DNAH5: variants seen among roughly 807,000 people sequenced by gnomAD.
DNAH5 encodes axonemal beta dynein heavy chain 5.
Under a neutral mutation model 518.2 loss-of-function variants are expected in DNAH5, and 372 were observed. That is an observed-to-expected ratio of 0.72 (90% confidence interval 0.66 to 0.78). The LOEUF (loss-of-function observed/expected upper bound fraction) is 0.78, where lower values mean the gene tolerates loss of function less well. Among genes scored for constraint, DNAH5 ranks in the 30% least tolerant of loss-of-function variants. The pLI, the probability that DNAH5 is intolerant of heterozygous loss-of-function variation, is 0.00. For missense variants in DNAH5, 5,523 were observed against 5,687.0 expected (o/e 0.97, Z 0.93); for synonymous variants, 2,039 against 2,025.9 (o/e 1.01, Z -0.17).
intron 53 of DNAH5, among the ~76,000 whole-genome samples, chr5:13,778,496 AAGGGAGGG>A (rs1199880080): frequency 2.4e-5 from 2 of 84,770 alleles, no homozygotes; most frequent in African/African-American, 1.0e-4. Context: ...GGAAGGAAGG[AAGGGAGGG>A]AGGGAGGGAG....
intron 57 of DNAH5, 148 bp downstream of exon 57, chr5:13,769,353 T>C: frequency 1.1e-6 from 1 of 908,018 alleles, no homozygotes; most frequent in Non-Finnish European, 1.8e-6. Flanking sequence ...ACTTACCCAG[T>C]TTTTTATACA....
chr5:13,799,676 A>G (rs558010082), intron 47 of DNAH5, among the ~76,000 whole-genome samples: 3 of 152,184 alleles, frequency 2.0e-5, no homozygotes, highest in Non-Finnish European at 4.4e-5. Flanking sequence ...GGCCTGAAAC[A>G]CAACACAGGT....
intron 65 of DNAH5, among the ~76,000 whole-genome samples, chr5:13,738,987 G>C (rs369126180): frequency 6.6e-6 from 1 of 152,002 alleles, no homozygotes; most frequent in African/African-American, 2.4e-5. Context: ...AGTAAAATAC[G>C]GGGAAACCAG....
chr5:13,923,465 T>G (rs1777521892), intron 3 of DNAH5, 25 bp from the exon 4 acceptor site: 2 of 1,613,698 alleles, frequency 1.2e-6, no homozygotes, highest in Non-Finnish European at 1.7e-6. Context: ...TAATTTTAGT[T>G]TCACAAATGC....
At chr5:13,704,646 T>G (rs1291604756) in intron 76 of DNAH5, among the ~76,000 whole-genome samples, 1 of 152,232 alleles carries the variant, frequency 6.6e-6, no homozygotes, top group Non-Finnish European at 1.5e-5. Flanking sequence ...CCACTTCTAG[T>G]TCACTTGTTC....
chr5:13,718,147 G>A (rs1579891052), intron 72 of DNAH5, among the ~76,000 whole-genome samples: 1 of 152,166 alleles, frequency 6.6e-6, no homozygotes, highest in East Asian at 1.9e-4. Flanking sequence ...TTTCCAGATT[G>A]AAATACAATA....
At chr5:13,713,452 TATATATATATATATAC>T (rs1227724223) in intron 75 of DNAH5, among the ~76,000 whole-genome samples, 10 of 130,748 alleles carry the variant, frequency 7.6e-5, no homozygotes, top group Non-Finnish European at 1.1e-4. Context: ...TATATATATA[TATATATATATATATAC>T]ACACACCGAT....
In DNAH5 at chr5:13,956,285, A is replaced by C. The variant is rs2152041257; in HGVS notation, c.13-25041T>G. Reference sequence around the variant, plus strand: ...AAACTTTATGCTGGGATATTTTTTAAAATAAAGACTATGAATACTGTGACT... The same window carrying C: ...AAACTTTATGCTGGGATATTTTTTACAATAAAGACTATGAATACTGTGACT... On this transcript the variant is annotated intron_variant, in intron 1 of 78. Transcript: ENST00000681290. 2.0e-5 allele frequency among the ~76,000 whole-genome samples: 3 copies of C among 152,348 alleles called. No homozygotes were observed. In the South Asian group the frequency reaches 6.2e-4, roughly 32 times the overall value.
chr5:13,859,857 C>T (rs1338327367), intron 29 of DNAH5, among the ~76,000 whole-genome samples: 2 of 152,064 alleles, frequency 1.3e-5, no homozygotes, highest in Non-Finnish European at 2.9e-5. Context: ...GTAGATCAGG[C>T]ATTAGACTTG....
At chr5:13,727,450 A>C in intron 70 of DNAH5, 57 bp downstream of exon 70, 3 of 1,485,334 alleles carry the variant, frequency 2.0e-6, no homozygotes, top group Non-Finnish European at 2.7e-6. Context: ...TTTAATTTAA[A>C]AGAAAATTCT....
At chr5:13,820,584 G>T in intron 40 of DNAH5, 85 bp from the exon 41 acceptor site, 1 of 1,516,732 alleles carries the variant, frequency 6.6e-7, no homozygotes, top group South Asian at 1.1e-5. Context: ...CAACAATTTG[G>T]GAGGCCGAGG....
At chr5:13,767,186 G>A (rs914413702) in intron 58 of DNAH5, among the ~76,000 whole-genome samples, 14 of 152,228 alleles carry the variant, frequency 9.2e-5, no homozygotes, top group African/African-American at 2.6e-4. Flanking sequence ...GTGCACTGGC[G>A]TAATCTCAGC....
chr5:13,818,243 T>C (rs1761716848), intron 41 of DNAH5, among the ~76,000 whole-genome samples: 2 of 152,236 alleles, frequency 1.3e-5, no homozygotes, highest in Admixed American at 6.5e-5. Flanking sequence ...GGGCTGGGAT[T>C]CTGTGCATAA....
intron 1 of DNAH5, among the ~76,000 whole-genome samples, chr5:13,976,724 T>TATAC (rs1782281774): frequency 9.1e-6 from 1 of 109,784 alleles, no homozygotes. Flanking sequence ...CACACACACA[T>TATAC]ACACACACAC....
chr5:13,983,707 T>C (rs1453711893), intron 1 of DNAH5, among the ~76,000 whole-genome samples: 1 of 152,166 alleles, frequency 6.6e-6, no homozygotes, highest in Non-Finnish European at 1.5e-5. Context: ...GATGGAGGCA[T>C]GACCAAATTC....
At chr5:13,906,413 CAA>C (rs1775303627) in intron 12 of DNAH5, among the ~76,000 whole-genome samples, 1 of 152,116 alleles carries the variant, frequency 6.6e-6, no homozygotes, top group African/African-American at 2.4e-5. Context: ...TGTGAATCTA[CAA>C]CTTCTCTTTA....
At chr5:13,931,440 A>G (rs553820223) in intron 1 of DNAH5, among the ~76,000 whole-genome samples, 196 bp from the exon 2 acceptor site, 6 of 152,270 alleles carry the variant, frequency 3.9e-5, no homozygotes, top group Admixed American at 3.9e-4. Flanking sequence ...AAGCATGCTC[A>G]TTGTTGTGAA....
chr5:13,880,566 G>C (rs184148071), intron 21 of DNAH5, among the ~76,000 whole-genome samples: 7 of 151,942 alleles, frequency 4.6e-5, no homozygotes, highest in African/African-American at 1.7e-4. Context: ...ATGAGGTGGG[G>C]AGTAAAAGTA....
chr5:13,958,904 A>G (rs1457326655), intron 1 of DNAH5, among the ~76,000 whole-genome samples: 1 of 152,176 alleles, frequency 6.6e-6, no homozygotes, highest in African/African-American at 2.4e-5. Context: ...AGCTCCTACA[A>G]TGTTATGTCA....
Sources: gnomAD v4.1 joint callset for allele counts (sites outside exome capture counted in the v4.1 genomes callset) on GRCh38, gnomAD v4.1.1 for gene constraint, MANE v1.5 for transcripts, NCBI Gene and HGNC (gene_info 2026-07-23, HGNC 2026-07-21) for gene names.